Variants in MTA3 observed in about 807,000 individuals in gnomAD.
MTA3 encodes the protein metastasis-associated protein MTA3.
MTA3 carries 34 observed loss-of-function variants against 83.5 expected under a neutral mutation model. The observed-to-expected ratio is 0.41, with a 90% CI of 0.31 to 0.54. MTA3 has a LOEUF of 0.54. MTA3 is among the 20% of genes least tolerant of loss of function. The pLI is 0.33. For missense variants in MTA3, 761 were observed against 726.4 expected, an observed-to-expected ratio of 1.05 and a Z score of -0.55; for synonymous variants, 303 against 252.7, an observed-to-expected ratio of 1.20 and a Z score of -1.89.
intron 2 of MTA3, among the ~76,000 whole-genome samples, chr2:42,542,897 G>A (rs1034197955): frequency 2.6e-5 from 4 of 151,912 alleles, no homozygotes; most frequent in African/African-American, 7.3e-5. Context: ...TCATATTTAC[G>A]CCTAACATAA....
chr2:42,647,203 T>C (rs1485799256), intron 6 of MTA3, among the ~76,000 whole-genome samples: 11 of 145,878 alleles, frequency 7.5e-5, no homozygotes, highest in Non-Finnish European at 1.6e-4. Context: ...GGTAAAATGC[T>C]ATTGAGCATC....
intron 4 of MTA3, among the ~76,000 whole-genome samples, chr2:42,638,232 A>G (rs1008988412): frequency 6.6e-6 from 1 of 152,124 alleles, no homozygotes; most frequent in African/African-American, 2.4e-5. Flanking sequence ...AGTGAAAACT[A>G]TTTTTAGAAA....
chr2:42,525,808 C>A (rs1459552055), intron 2 of MTA3, among the ~76,000 whole-genome samples: 1 of 151,808 alleles, frequency 6.6e-6, no homozygotes, highest in Non-Finnish European at 1.5e-5. Context: ...CAGGTGCACG[C>A]CACCATGCCT....
intron 3 of MTA3, among the ~76,000 whole-genome samples, chr2:42,589,612 G>A (rs1680730571): frequency 6.6e-6 from 1 of 152,114 alleles, no homozygotes; most frequent in African/African-American, 2.4e-5. Context: ...GCGTGCAGTG[G>A]TGCCATCTCG....
At chr2:42,607,756 G>T (rs1683659567) in intron 3 of MTA3, among the ~76,000 whole-genome samples, 1 of 152,160 alleles carries the variant, frequency 6.6e-6, no homozygotes. Context: ...TTCGAGATCA[G>T]CCTGGGCAAC....
intron 4 of MTA3, among the ~76,000 whole-genome samples, chr2:42,637,414 G>A (rs1479558728): frequency 2.6e-5 from 4 of 152,066 alleles, no homozygotes; most frequent in Non-Finnish European, 5.9e-5. Context: ...ATCTGTATAC[G>A]GAATTTGATA....
chr2:42,648,016 T>G (rs1319834827), intron 6 of MTA3, among the ~76,000 whole-genome samples: 1 of 152,196 alleles, frequency 6.6e-6, no homozygotes, highest in Non-Finnish European at 1.5e-5. Context: ...AACTTTTGTA[T>G]TTTTAGCAGG....
intron 2 of MTA3, among the ~76,000 whole-genome samples, chr2:42,547,678 A>G (rs1015953333): frequency 1.3e-5 from 2 of 152,234 alleles, no homozygotes; most frequent in African/African-American, 4.8e-5. Flanking sequence ...GGCTTCTGGG[A>G]CTGGCCAAGA....
At chr2:42,592,197 G>GGTT (rs1358988781) in intron 3 of MTA3, among the ~76,000 whole-genome samples, 1 of 152,172 alleles carries the variant, frequency 6.6e-6, no homozygotes, top group Non-Finnish European at 1.5e-5. Context: ...AGTAGGCAGA[G>GGTT]GTTGCAGTGA....
intron 2 of MTA3, among the ~76,000 whole-genome samples, chr2:42,517,245 A>C (rs576914948): frequency 1.3e-5 from 2 of 150,950 alleles, no homozygotes; most frequent in African/African-American, 4.9e-5. Flanking sequence ...TGGGGACAAG[A>C]GTGAAATTCC....
At chr2:42,516,193 G>T (rs1675138190) in intron 2 of MTA3, among the ~76,000 whole-genome samples, 1 of 152,072 alleles carries the variant, frequency 6.6e-6, no homozygotes, top group African/African-American at 2.4e-5. Flanking sequence ...CTGGGATCAG[G>T]CATGAGCCAC....
chr2:42,750,516 A>C (rs985803498), intron 16 of MTA3, among the ~76,000 whole-genome samples: 2 of 152,206 alleles, frequency 1.3e-5, no homozygotes, highest in African/African-American at 4.8e-5. Context: ...AGTGCAGTTC[A>C]CTGTAGGGTG....
intron 4 of MTA3, among the ~76,000 whole-genome samples, chr2:42,625,355 C>T (rs1351846779): frequency 6.6e-6 from 1 of 151,344 alleles, no homozygotes; most frequent in Non-Finnish European, 1.5e-5. Flanking sequence ...TTCCATTTTT[C>T]TTTTTTTCCC....
At chr2:42,566,155 G>A (rs894683774), upstream of MTA3, among the ~76,000 whole-genome samples, 3 of 152,104 alleles carry the variant, frequency 2.0e-5, no homozygotes, top group East Asian at 5.8e-4. Flanking sequence ...GTGAAGTTAG[G>A]GCTGGTTGAT....
chr2:42,714,752 CTG>C (rs1244827292), intron 14 of MTA3, among the ~76,000 whole-genome samples: 2 of 152,124 alleles, frequency 1.3e-5, no homozygotes, highest in African/African-American at 4.8e-5. Context: ...TGGGATGAAA[CTG>C]TTCCACCTCA....
intron 8 of MTA3, among the ~76,000 whole-genome samples, chr2:42,669,428 T>C (rs928080050): frequency 1.3e-5 from 2 of 152,126 alleles, no homozygotes; most frequent in African/African-American, 4.8e-5. Flanking sequence ...TATCAACTTA[T>C]GTCAGAAATC....
chr2:42,721,627 C>T (rs938108736), intron 15 of MTA3, among the ~76,000 whole-genome samples: 1 of 152,108 alleles, frequency 6.6e-6, no homozygotes, highest in Admixed American at 6.6e-5. Context: ...CTGCACCTGG[C>T]CAATGAGGGA....
rs150792592 is a variant in MTA3, at chr2:42,520,638, T to A, written c.-141+25384T>A. 7.9e-5 allele frequency among the ~76,000 whole-genome samples: 12 copies of A among 152,132 alleles called. No individual in the cohort carries two copies. In the East Asian group the frequency reaches 2.3e-3, roughly 29 times the overall value. ...CTATGTTGTCCAGGCTGGAGTCCAG[T>A]GGCCTGATCATGAACCTGCTGGGTT... On this transcript the variant is annotated intron_variant, in intron 2 of 17. Transcript: ENST00000405592.
rs149298858 is a variant in MTA3 at position 42,638,069 on chromosome 2, A to C, written c.318-2104A>C. ...CTTAAAAAAAAGTACCTATTAAAAT[A>C]AAATTTAGCAGGTTTTACTCCTCCC... On this transcript the variant is annotated intron_variant, in intron 4 of 16. Coordinates refer to ENST00000405094, the MANE Select transcript of MTA3 (RefSeq NM_001330442.2). Among the ~76,000 whole-genome samples, 286 of 152,298 alleles carry C rather than the reference A, an allele frequency of 1.9e-3. 4 individuals carry two copies. Among genetic ancestry groups the C allele is most frequent in the African/African-American group, 6.4e-3 (267 of 41,566 alleles).
Sources: allele counts gnomAD v4.1 joint callset (sites outside exome capture counted in the v4.1 genomes callset), GRCh38; gene constraint gnomAD v4.1.1; transcripts MANE v1.5; gene names NCBI Gene and HGNC (gene_info 2026-07-23, HGNC 2026-07-21).